The following NYAP1 variants were observed in gnomAD, a reference collection of about 807,000 sequenced individuals.
NYAP1 encodes neuronal tyrosine-phosphorylated phosphoinositide-3-kinase adapter 1.
In NYAP1, 20 loss-of-function variants were observed where a neutral mutation model predicts 58.6. That is an observed-to-expected ratio of 0.34 (90% CI 0.24 to 0.50). The LOEUF is 0.50. NYAP1 is among the 20% of genes least tolerant of loss of function. The probability of loss-of-function intolerance (pLI) is 0.98; values close to 1 mark genes in which losing one functional copy is unlikely to be tolerated. For synonymous variants in NYAP1, 572 were observed against 523.1 expected, an observed-to-expected ratio of 1.09 and a Z score of -1.27; for missense variants, 1,150 against 1,194.5, an observed-to-expected ratio of 0.96 and a Z score of 0.55.
chr7:100,489,819 G>A (rs1479947307), intron 4 of NYAP1, among the ~76,000 whole-genome samples, 153 bp downstream of exon 4: 1 of 151,822 alleles, frequency 6.6e-6, no homozygotes, highest in Non-Finnish European at 1.5e-5. Context: ...GTGGGGGTGG[G>A]CGATAGACAG....
chr7:100,488,406 C>T lies in NYAP1; in HGVS notation c.685C>T (p.Arg229Ter). 1.3e-6 allele frequency: 2 copies of T among 1,596,762 alleles called. No individual in the cohort carries two copies. Among genetic ancestry groups the T allele is most frequent in the Non-Finnish European group, 1.7e-6 (2 of 1,172,574 alleles). ...MVGDVFRGGG[R>*]SGGGLAGPPL... is the part of the protein sequence containing the mutation. ...GGGGGACGTCTTTAGGGGAGGAGGACGAAGTGGAGGAGGCCTGGCTGGGCC... is the reference window on the plus strand; with the variant it reads ...GGGGGACGTCTTTAGGGGAGGAGGATGAAGTGGAGGAGGCCTGGCTGGGCC... Residue 229 changes from arginine to a stop codon, truncating the protein, a stop_gained, in exon 4 of 7, where the codon CGA becomes TGA. Coordinates refer to ENST00000300179, the MANE Select transcript of NYAP1 (RefSeq NM_173564.4). LOFTEE classifies it high-confidence loss of function. The surrounding 1 kb of genome is among the most constrained non-coding windows in gnomAD (Gnocchi z 5.9).
At position 100,490,783 on chromosome 7, in the gene NYAP1, G is replaced by T. The variant is rs1357079596; in HGVS notation, c.2158+54G>T. The T allele has an allele frequency of 7.0e-7, 1 of 1,428,546 alleles. No homozygotes were observed. Among genetic ancestry groups the T allele is most frequent in the South Asian group, 1.4e-5 (1 of 69,380 alleles). The allele number at this position is 1,428,546 out of a possible 1,614,324, so 88.5% of individuals were successfully genotyped here. The stretch of plus-strand genomic sequence containing the variant: ...AGCGGGGCTGGCTGGGGGATCTCCC[G>T]GGGTCTAGCTGCACCTGTCCTGACT... On this transcript the variant is annotated intron_variant, in intron 5 of 6. Coordinates refer to ENST00000300179, the MANE Select transcript of NYAP1 (RefSeq NM_173564.4). The surrounding 1 kb of genome is among the most constrained non-coding windows in gnomAD (Gnocchi z 4.6).
At position 100,488,726 on chromosome 7, in the gene NYAP1, T is replaced by TC; in HGVS notation, c.1007dup (p.Leu337ThrfsTer98). The TC allele has an allele frequency of 1.9e-6, 3 of 1,608,260 alleles. No homozygotes were observed. Among genetic ancestry groups the TC allele is most frequent in the Non-Finnish European group, 2.5e-6 (3 of 1,178,116 alleles). ...TCCCCAACCTCCTTCAGCACCGGCC[T>TC]CCACTCCTGGCCTTCCCCCAAGCCA... is the stretch of plus-strand genomic sequence containing the variant. On this transcript the variant is annotated frameshift_variant, in exon 4 of 7. Transcript: ENST00000300179. LOFTEE classifies it high-confidence loss of function. The surrounding 1 kb of genome is among the most constrained non-coding windows in gnomAD (Gnocchi z 5.9).
In NYAP1 at chr7:100,493,737, G is replaced by A. The variant is rs1486009150; in HGVS notation, c.2360G>A (p.Arg787His). The change falls in exon 7 of 7, where the codon CGC (arginine) becomes CAC (histidine). Residue 787 changes from arginine (R) to histidine (H), a missense_variant. Physicochemically the swap from Arg to His is conservative, Grantham distance 29. Transcript: ENST00000300179. Reference sequence around the variant, plus strand: ...CTGCTGGAGGTGATCGAGCGCAAGCGCTGCGTGTGCAAGGAGATCAAGGCG... The same window carrying A: ...CTGCTGGAGGTGATCGAGCGCAAGCACTGCGTGTGCAAGGAGATCAAGGCG... ...GKLLEVIERK[R>H]CVCKEIKARH... is the part of the protein sequence containing the mutation. The A allele has an allele frequency of 1.9e-6, 3 of 1,604,076 alleles. No individual in the cohort carries two copies. The highest frequency in any genetic ancestry group is 3.4e-5 in the Admixed American group (2 of 59,524).
chr7:100,491,121 G>A (rs1362725552), intron 6 of NYAP1, 26 bp downstream of exon 6: 4 of 1,424,058 alleles, frequency 2.8e-6, no homozygotes, highest in Non-Finnish European at 3.9e-6. Context: ...TCTTTTATTT[G>A]TGAAGGAGCA....
In NYAP1 at chr7:100,485,451, TCTCGGGGGC is replaced by T; in HGVS notation, c.68+74_68+82del. The T allele has an allele frequency of 2.4e-6, 3 of 1,250,738 alleles. No homozygotes were observed. Among genetic ancestry groups the T allele is most frequent in the Non-Finnish European group, 3.4e-6 (3 of 879,672 alleles). 77.5% of individuals were successfully genotyped at this position (1,250,738 alleles called of 1,614,324 possible). A position where few individuals can be genotyped will look rare whatever the true frequency, so the allele number is the denominator to read the frequency against. On this transcript the variant is annotated intron_variant, in intron 2 of 6. Transcript: ENST00000300179. This position sits in a 1 kb window ranked among gnomAD's most constrained non-coding sequence, Gnocchi z 5.7. ...TGCCCCCTCACTGGGCCACAGCCCT[TCTCGGGGGC>T]CGGCAGCCTTGTCATGAGTGAGCTC...
chr7:100,487,259 G>A lies in NYAP1; in HGVS notation c.430+77G>A, dbSNP rs920680542. On this transcript the variant is annotated intron_variant, in intron 3 of 6. Transcript: ENST00000300179. The surrounding 1 kb of genome is among the most constrained non-coding windows in gnomAD (Gnocchi z 4.1). ...TATTCCACGCCCGGGGAGGCTTGCCGGGAGGGTTCATTCAGGGAAGAACCA... is the reference window on the plus strand; with the variant it reads ...TATTCCACGCCCGGGGAGGCTTGCCAGGAGGGTTCATTCAGGGAAGAACCA... 1.1e-5 allele frequency: 16 copies of A among 1,401,212 alleles called. No homozygotes were observed. The highest frequency in any genetic ancestry group is 1.7e-5 in the South Asian group (1 of 60,506). 86.8% of individuals were successfully genotyped at this position (1,401,212 alleles called of 1,614,324 possible). A position where few individuals can be genotyped will look rare whatever the true frequency, so the allele number is the denominator to read the frequency against.
At chr7:100,489,886 G>A (rs145876500) in intron 4 of NYAP1, among the ~76,000 whole-genome samples, 21 of 152,138 alleles carry the variant, frequency 1.4e-4, no homozygotes, top group Non-Finnish European at 2.9e-4. Flanking sequence ...GGAGGCGAAG[G>A]GGGTCAAATC....
chr7:100,484,195 AG>A (rs1226985818), intron 1 of NYAP1, among the ~76,000 whole-genome samples, 194 bp downstream of exon 1: 2 of 151,672 alleles, frequency 1.3e-5, no homozygotes, highest in Non-Finnish European at 2.9e-5. Flanking sequence ...GAACAGGGGA[AG>A]GGGGAGGACG....
Position 100,486,968 on chromosome 7 carries a change from C to T in NYAP1, c.216C>T (p.His72=), listed in dbSNP as rs145926102. 4 of 1,607,116 alleles carry T rather than the reference C, an allele frequency of 2.5e-6. No individual in the cohort carries two copies. Among genetic ancestry groups the T allele is most frequent in the Admixed American group, 3.4e-5 (2 of 59,224 alleles). The change falls in exon 3 of 7, where the codon CAC becomes CAT. Residue 72 remains histidine, a synonymous_variant. Coordinates refer to ENST00000300179, the MANE Select transcript of NYAP1 (RefSeq NM_173564.4). This position sits in a 1 kb window ranked among gnomAD's most constrained non-coding sequence, Gnocchi z 6.2. ...TMPASQEHTP[H]PCRSAMAPRS... is the part of the protein sequence containing the mutation. ...CCGCCTCCCAGGAGCACACCCCGCA[C>T]CCCTGCCGCAGCGCCATGGCCCCAC...
At chr7:100,484,503 A>AGGCCCG (rs1409148092) in intron 1 of NYAP1, among the ~76,000 whole-genome samples, 1 of 152,154 alleles carries the variant, frequency 6.6e-6, no homozygotes, top group Non-Finnish European at 1.5e-5. Context: ...ACCAAGGCCC[A>AGGCCCG]GGCCCGGGGA....
In NYAP1 at chr7:100,490,805, G is replaced by T; in HGVS notation, c.2158+76G>T. ...CCCGGGGTCTAGCTGCACCTGTCCT[G>T]ACTTCCTCTCACCTGTTCACGTCTG... is the stretch of plus-strand genomic sequence containing the variant. On this transcript the variant is annotated intron_variant, in intron 5 of 6. Transcript: ENST00000300179. This position sits in a 1 kb window ranked among gnomAD's most constrained non-coding sequence, Gnocchi z 4.6. 1 of 1,335,290 alleles carries T rather than the reference G, an allele frequency of 7.5e-7. No homozygotes were observed. 82.7% of individuals were successfully genotyped at this position (1,335,290 alleles called of 1,614,324 possible). A position where few individuals can be genotyped will look rare whatever the true frequency, so the allele number is the denominator to read the frequency against.
Position 100,493,947 on chromosome 7 carries a change from G to A in NYAP1, c.*44G>A. 1 of 1,374,984 alleles carries A rather than the reference G, an allele frequency of 7.3e-7. No homozygotes were observed. The allele number at this position is 1,374,984 out of a possible 1,614,324, so 85.2% of individuals were successfully genotyped here. A position where few individuals can be genotyped will look rare whatever the true frequency, so the allele number is the denominator to read the frequency against. On this transcript the variant is annotated 3_prime_UTR_variant, in exon 7 of 7. Coordinates refer to ENST00000300179, the MANE Select transcript of NYAP1 (RefSeq NM_173564.4). Reference sequence around the variant, plus strand: ...GGGGCGCCTGGACTGGGGAGGGGGCGGGCACGCCTGGCTCTCCCGGGAGCC... The same window carrying A: ...GGGGCGCCTGGACTGGGGAGGGGGCAGGCACGCCTGGCTCTCCCGGGAGCC...
Position 100,488,601 on chromosome 7 carries a change from G to T in NYAP1, c.880G>T (p.Ala294Ser), listed in dbSNP as rs368554898. The change falls in exon 4 of 7, where the codon GCC (alanine) becomes TCC (serine). Residue 294 changes from alanine (A) to serine (S), a missense_variant. Physicochemically the swap from Ala to Ser is moderately conservative, Grantham distance 99. Coordinates refer to ENST00000300179, the MANE Select transcript of NYAP1 (RefSeq NM_173564.4). The surrounding 1 kb of genome is among the most constrained non-coding windows in gnomAD (Gnocchi z 5.9). ...TATSPPQQPH[A>S]LPPHAHRRPA... is the part of the protein sequence containing the mutation. ...AACATCCCCGCCACAACAGCCTCAC[G>T]CCCTTCCGCCCCATGCCCACCGCCG... is the stretch of plus-strand genomic sequence containing the variant. 9.9e-6 allele frequency: 16 copies of T among 1,610,388 alleles called. No individual in the cohort carries two copies. The highest frequency in any genetic ancestry group is 1.3e-5 in the African/African-American group (1 of 74,722).
Position 100,494,322 on chromosome 7 carries a change from A to AG in NYAP1, c.*424dup, listed in dbSNP as rs1172379815. 1.2e-5 allele frequency: 2 copies of AG among 169,726 alleles called. No individual in the cohort carries two copies. Among genetic ancestry groups the AG allele is most frequent in the African/African-American group, 4.8e-5 (2 of 41,648 alleles). The allele number at this position is 169,726 out of a possible 1,614,324, so 10.5% of individuals were successfully genotyped here. On this transcript the variant is annotated 3_prime_UTR_variant, in exon 7 of 7. Transcript: ENST00000300179. ...TTTTCTAGAGAGCCGGGAGTTGGGG[A>AG]GGGGGTATTTATTTTGTTATTTATT...
Position 100,489,784 on chromosome 7 carries a change from G to A in NYAP1, c.1945+118G>A, listed in dbSNP as rs10237369. 6.1e-3 allele frequency: 5,261 copies of A among 861,868 alleles called. 238 individuals are homozygous for A. The African/African-American group carries it at 0.081, about 13-fold the overall frequency. 53.4% of individuals were successfully genotyped at this position (861,868 alleles called of 1,614,324 possible). On this transcript the variant is annotated intron_variant, in intron 4 of 6. Transcript: ENST00000300179. ...TTTGGAAGTCACAGCCTTGAGTCTG[G>A]GATGTTTTCTAGGAGACCAGAGAGG...
At position 100,490,554 on chromosome 7, in the gene NYAP1, C is replaced by G. The variant is rs141055863; in HGVS notation, c.1983C>G (p.Ala661=). 3.8e-6 allele frequency: 6 copies of G among 1,588,314 alleles called. No individual in the cohort carries two copies. In the East Asian group the frequency reaches 1.4e-4, roughly 36 times the overall value. ...EDGARAWNGS[A]EGPGKVERED... ...GTGCCCGGGCCTGGAATGGCAGTGC[C>G]GAGGGTCCAGGCAAGGTGGAGCGTG... The change falls in exon 5 of 7, where the codon GCC becomes GCG. Residue 661 remains alanine, a synonymous_variant. Transcript: ENST00000300179. This position sits in a 1 kb window ranked among gnomAD's most constrained non-coding sequence, Gnocchi z 4.6.
intron 4 of NYAP1, 144 bp downstream of exon 4, chr7:100,489,810 TG>T (rs2131068376): frequency 3.7e-6 from 1 of 271,176 alleles, no homozygotes. Context: ...ACCAGAGAGG[TG>T]GGGGTGGGCG....
chr7:100,488,449 G>A lies in NYAP1; in HGVS notation c.728G>A (p.Gly243Asp). The part of the protein sequence containing the change: ...GLAGPPLGGG[G>D]PTPPAGADSD... ...GCTGGGCCCCCTCTTGGGGGTGGGGGCCCGACCCCTCCAGCGGGCGCCGAC... is the reference window on the plus strand; with the variant it reads ...GCTGGGCCCCCTCTTGGGGGTGGGGACCCGACCCCTCCAGCGGGCGCCGAC... The change falls in exon 4 of 7, where the codon GGC (glycine) becomes GAC (aspartate). Residue 243 changes from glycine to aspartate, a missense_variant. Physicochemically the swap from Gly to Asp is moderately conservative, Grantham distance 94 (BLOSUM62 -1). Transcript: ENST00000300179. The surrounding 1 kb of genome is among the most constrained non-coding windows in gnomAD (Gnocchi z 5.9). 1 of 1,608,546 alleles carries A rather than the reference G, an allele frequency of 6.2e-7. No homozygotes were observed.
Sources: gnomAD v4.1 joint callset for allele counts (sites outside exome capture counted in the v4.1 genomes callset) on GRCh38, gnomAD v4.1.1 for gene constraint, Gnocchi (gnomAD v3.1) non-coding constraint, MANE v1.5 for transcripts, NCBI Gene and HGNC (gene_info 2026-07-23, HGNC 2026-07-21) for gene names.